ANKRD34B: variants seen among roughly 807,000 people sequenced by gnomAD.
ANKRD34B encodes ankyrin repeat domain-containing protein 34B.
ANKRD34B carries 2 observed loss-of-function variants against 4.4 expected under a neutral mutation model. That is an observed-to-expected ratio of 0.46 (90% CI 0.19 to 1.44). The LOEUF (loss-of-function observed/expected upper bound fraction) is 1.44. Ranked by LOEUF, ANKRD34B falls within the 40% of genes most tolerant of loss-of-function variation. ANKRD34B has a pLI of 0.26. For synonymous variants in ANKRD34B, 226 were observed against 227.1 expected, an observed-to-expected ratio of 0.99 and a Z score of 0.05; for missense variants, 558 against 604.7, an observed-to-expected ratio of 0.92 and a Z score of 0.81.
chr5:80,569,257 A>G (rs1356836824), intron 1 of ANKRD34B, 150 bp from the exon 2 acceptor site: 1 of 152,444 alleles, frequency 6.6e-6, no homozygotes, highest in East Asian at 1.9e-4. Context: ...GGTTCTGCCC[A>G]CAGCCGCTGC....
intron 4 of ANKRD34B, among the ~76,000 whole-genome samples, chr5:80,562,838 GTGTT>G (rs1194988354): frequency 6.6e-6 from 1 of 152,162 alleles, no homozygotes; most frequent in Non-Finnish European, 1.5e-5. Context: ...CCTCATTTGT[GTGTT>G]TAAGGCTTCT....
In ANKRD34B at chr5:80,559,626, C is replaced by CT; in HGVS notation, c.393dup (p.Glu132ArgfsTer8). 6.2e-7 allele frequency: 1 copy of CT among 1,614,196 alleles called. No homozygotes were observed. The highest frequency in any genetic ancestry group is 8.5e-7 in the Non-Finnish European group (1 of 1,180,048). ...GCACTAAGAAGAACTTTCAGGGTCT[C>CT]TGTATCTTCTGAATTTATAGCATAA... On this transcript the variant is annotated frameshift_variant, in exon 5 of 5. Coordinates refer to ENST00000338682, the MANE Select transcript of ANKRD34B (RefSeq NM_001004441.3). LOFTEE classifies it low-confidence loss of function (END_TRUNC).
intron 3 of ANKRD34B, among the ~76,000 whole-genome samples, chr5:80,564,938 C>T (rs192189642): frequency 2.4e-4 from 37 of 152,350 alleles, no homozygotes; most frequent in African/African-American, 8.4e-4. Flanking sequence ...TTCCCAACCT[C>T]AGGTGATCTG....
intron 3 of ANKRD34B, among the ~76,000 whole-genome samples, chr5:80,566,215 G>A (rs1012926953): frequency 5.3e-5 from 8 of 152,132 alleles, no homozygotes; most frequent in Non-Finnish European, 1.2e-4. Flanking sequence ...GAGGCTGCAG[G>A]ACATAGACCC....
At chr5:80,568,923 C>CAGAG (rs1465629441) in intron 2 of ANKRD34B, 37 bp downstream of exon 2, 21 of 40,460 alleles carry the variant, frequency 5.2e-4, no homozygotes, top group East Asian at 2.1e-3. Context: ...CACACACACA[C>CAGAG]ACAGAGAGAG....
rs1459273797 is a variant in ANKRD34B, at chr5:80,559,080, A to G, written c.940T>C (p.Ser314Pro). ...ATTTCATCATATGACATCTTCCTTG[A>G]GCTGGCCTGATCAAAGGCTCTTAGC... The part of the protein sequence containing the change: ...HLLRAFDQAS[S>P]RKMSYDEINC... The change falls in exon 5 of 5, where the codon TCA becomes CCA. Residue 314 changes from serine to proline, a missense_variant. Coordinates refer to ENST00000338682, the MANE Select transcript of ANKRD34B (RefSeq NM_001004441.3). 6.2e-7 allele frequency: 1 copy of G among 1,614,196 alleles called. No homozygotes were observed. Among genetic ancestry groups the G allele is most frequent in the African/African-American group, 1.3e-5 (1 of 75,038 alleles).
chr5:80,569,496 C>T (rs1382539486), intron 1 of ANKRD34B, among the ~76,000 whole-genome samples: 1 of 152,176 alleles, frequency 6.6e-6, no homozygotes, highest in Non-Finnish European at 1.5e-5. Flanking sequence ...CTCCTGGAAG[C>T]TGCAAAGGGC....
chr5:80,568,923 CACAGAGAGAG>C (rs1435614353), intron 2 of ANKRD34B, 27 bp downstream of exon 2: 1 of 40,388 alleles, frequency 2.5e-5, no homozygotes, highest in African/African-American at 5.6e-5. Context: ...CACACACACA[CACAGAGAGAG>C]AGAGAGAGAG....
chr5:80,569,913 G>A (rs548234733), intron 1 of ANKRD34B, among the ~76,000 whole-genome samples: 1 of 152,200 alleles, frequency 6.6e-6, no homozygotes, highest in Non-Finnish European at 1.5e-5. Context: ...TCTCTCGGGA[G>A]GCCCCTGCAG....
rs749932205 is a variant in ANKRD34B at position 80,558,913 on chromosome 5, G to C, written c.1107C>G (p.Tyr369Ter). The C allele has an allele frequency of 6.2e-7, 1 of 1,614,162 alleles. No homozygotes were observed. The highest frequency in any genetic ancestry group is 2.2e-5 in the East Asian group (1 of 44,876). The change falls in exon 5 of 5, where the codon TAC (tyrosine) becomes TAG (stop). Residue 369 changes from tyrosine to a stop codon, truncating the protein, a stop_gained. Coordinates refer to ENST00000338682, the MANE Select transcript of ANKRD34B (RefSeq NM_001004441.3). LOFTEE classifies it low-confidence loss of function (END_TRUNC). The stretch of plus-strand genomic sequence containing the variant: ...CAGCTGAGAGCTGGGAATCAGAGCT[G>C]TAGTGATTTGCCCCCAAGTTTCTTT... The part of the protein sequence containing the change: ...VQKRNLGANH[Y>*]SSDSQLSAGL...
Position 80,558,946 on chromosome 5 carries a change from T to A in ANKRD34B, c.1074A>T (p.Ile358=). ...QTIFASTLRS[I]VQKRNLGANH... ...TTGCCCCCAAGTTTCTTTTTTGAAC[T>A]ATACTTCTTAAGGTGGAAGCAAATA... The change falls in exon 5 of 5, where the codon ATA becomes ATT. Residue 358 remains isoleucine, a synonymous_variant. Transcript: ENST00000338682. 2 of 1,614,222 alleles carry A rather than the reference T, an allele frequency of 1.2e-6. No individual in the cohort carries two copies. The highest frequency in any genetic ancestry group is 1.7e-6 in the Non-Finnish European group (2 of 1,180,044).
At position 80,557,236 on chromosome 5, in the gene ANKRD34B, T is replaced by C. The variant is rs60500964; in HGVS notation, c.*1239A>G. ...GTATAAACATCATACTTTGAAGTTA[T>C]ATAGATGATATAATTATTACTTTAT... is the stretch of plus-strand genomic sequence containing the variant. On this transcript the variant is annotated 3_prime_UTR_variant, in exon 5 of 5. Transcript: ENST00000338682. The C allele has an allele frequency of 6.6e-6, 1 of 152,198 alleles. No homozygotes were observed. Among genetic ancestry groups the C allele is most frequent in the Non-Finnish European group, 1.5e-5 (1 of 67,966 alleles). 9.4% of individuals were successfully genotyped at this position (152,198 alleles called of 1,614,324 possible).
In ANKRD34B at chr5:80,556,841, G is replaced by C. The variant is rs1746250153; in HGVS notation, c.*1634C>G. 3 of 152,510 alleles carry C rather than the reference G, an allele frequency of 2.0e-5. No homozygotes were observed. The highest frequency in any genetic ancestry group is 7.2e-5 in the African/African-American group (3 of 41,388). The allele number at this position is 152,510 out of a possible 1,614,324, so 9.4% of individuals were successfully genotyped here. ...CCAAATTGTATCCTTACAACTTGAA[G>C]TCAAGTACTTTTCTCGATATTTAAC... On this transcript the variant is annotated 3_prime_UTR_variant, in exon 5 of 5. Transcript: ENST00000338682.
At chr5:80,560,650 GA>G (rs1196952787) in intron 4 of ANKRD34B, among the ~76,000 whole-genome samples, 1 of 152,072 alleles carries the variant, frequency 6.6e-6, no homozygotes, top group African/African-American at 2.4e-5. Context: ...GACAGAGTGA[GA>G]ACCTGTCTCT....
At position 80,558,559 on chromosome 5, in the gene ANKRD34B, G is replaced by A; in HGVS notation, c.1461C>T (p.Phe487=). 1 of 1,614,072 alleles carries A rather than the reference G, an allele frequency of 6.2e-7. No homozygotes were observed. Among genetic ancestry groups the A allele is most frequent in the Non-Finnish European group, 8.5e-7 (1 of 1,180,008 alleles). Residue 487 remains phenylalanine (F), a synonymous_variant, in exon 5 of 5, where the codon TTC becomes TTT. Transcript: ENST00000338682. The part of the protein sequence containing the change: ...QKVLMPTVPI[F]PKEFKSKKML... ...TTTTCTTACTTTTGAATTCTTTAGG[G>A]AAAATCGGAACTGTTGGCATAAGCA...
At chr5:80,567,363 T>C (rs1366733583) in intron 2 of ANKRD34B, among the ~76,000 whole-genome samples, 2 of 151,746 alleles carry the variant, frequency 1.3e-5, no homozygotes, top group Non-Finnish European at 2.9e-5. Flanking sequence ...CTCATGCCTG[T>C]AATCCCAGCA....
In ANKRD34B at chr5:80,557,831, T is replaced by C. The variant is rs1484110062; in HGVS notation, c.*644A>G. The C allele has an allele frequency of 6.6e-6, 1 of 152,190 alleles. No individual in the cohort carries two copies. Among genetic ancestry groups the C allele is most frequent in the Non-Finnish European group, 1.5e-5 (1 of 68,032 alleles). 9.4% of individuals were successfully genotyped at this position (152,190 alleles called of 1,614,324 possible). A position where few individuals can be genotyped will look rare whatever the true frequency, so the allele number is the denominator to read the frequency against. The stretch of plus-strand genomic sequence containing the variant: ...AGACCCGGCATAGATTACTAGTAGG[T>C]TGTAAAACTCTGACTTGCCAGTTTG... On this transcript the variant is annotated 3_prime_UTR_variant, in exon 5 of 5. Transcript: ENST00000338682.
chr5:80,562,400 G>A (rs901484118), intron 4 of ANKRD34B, among the ~76,000 whole-genome samples: 2 of 152,140 alleles, frequency 1.3e-5, no homozygotes, highest in African/African-American at 4.8e-5. Context: ...CGCTCTCTGG[G>A]ATGTCTAGAG....
At chr5:80,562,742 G>T (rs953677149) in intron 4 of ANKRD34B, among the ~76,000 whole-genome samples, 4 of 152,136 alleles carry the variant, frequency 2.6e-5, no homozygotes, top group African/African-American at 9.7e-5. Context: ...AGGGAAAAAA[G>T]GTGTCAGATA....
Sources: allele counts gnomAD v4.1 joint callset (sites outside exome capture counted in the v4.1 genomes callset), GRCh38; gene constraint gnomAD v4.1.1; transcripts MANE v1.5; gene names NCBI Gene and HGNC (gene_info 2026-07-23, HGNC 2026-07-21).